The following SRBD1 variants were observed in gnomAD, a reference collection of about 807,000 sequenced individuals.
SRBD1 encodes S1 RNA binding domain 1.
In SRBD1, 88 loss-of-function variants were observed where a neutral mutation model predicts 115.3. The observed-to-expected ratio is 0.76, with a 90% CI of 0.64 to 0.91. The LOEUF is 0.91. Ranked by LOEUF, SRBD1 falls within the 40% of genes least tolerant of loss-of-function variation. The pLI is 0.00. For missense variants in SRBD1, 1,385 were observed against 1,177.4 expected, an observed-to-expected ratio of 1.18 and a Z score of -2.58; for synonymous variants, 509 against 407.7, an observed-to-expected ratio of 1.25 and a Z score of -2.99.
At chr2:45,420,375 C>T (rs1667959231) in intron 16 of SRBD1, among the ~76,000 whole-genome samples, 1 of 152,098 alleles carries the variant, frequency 6.6e-6, no homozygotes, top group African/African-American at 2.4e-5. Flanking sequence ...TAATAGGAAG[C>T]AGTAAAATAA....
chr2:45,389,641 T>G (rs764807416), intron 20 of SRBD1, 42 bp from the exon 21 acceptor site: 79 of 1,569,322 alleles, frequency 5.0e-5, no homozygotes, highest in Non-Finnish European at 6.8e-5. Context: ...GCATTGTACT[T>G]CCTAGATACA....
chr2:45,397,722 G>A (rs1196366016), intron 19 of SRBD1, among the ~76,000 whole-genome samples: 1 of 152,104 alleles, frequency 6.6e-6, no homozygotes, highest in Non-Finnish European at 1.5e-5. Flanking sequence ...TCCTCCCTTG[G>A]CCTCCCAAGT....
intron 7 of SRBD1, among the ~76,000 whole-genome samples, chr2:45,576,274 A>C (rs1673173576): frequency 6.6e-6 from 1 of 152,112 alleles, no homozygotes; most frequent in Non-Finnish European, 1.5e-5. Context: ...AGCTTACCTT[A>C]TTGTAAGAAT....
intron 15 of SRBD1, among the ~76,000 whole-genome samples, chr2:45,487,507 T>G (rs1359591899): frequency 1.3e-5 from 2 of 152,192 alleles, no homozygotes; most frequent in Admixed American, 6.5e-5. Flanking sequence ...TGACAAATAT[T>G]TGGCAATAAA....
intron 16 of SRBD1, among the ~76,000 whole-genome samples, chr2:45,471,506 C>G (rs929436310): frequency 1.3e-4 from 20 of 152,094 alleles, no homozygotes; most frequent in African/African-American, 4.3e-4. Flanking sequence ...ATCTTAACAG[C>G]AGTTCTTATT....
chr2:45,434,970 T>C (rs1368234629), intron 16 of SRBD1, among the ~76,000 whole-genome samples: 3 of 151,924 alleles, frequency 2.0e-5, no homozygotes, highest in African/African-American at 7.3e-5. Flanking sequence ...CCGCCCTGTG[T>C]CCACGTGTTC....
intron 16 of SRBD1, among the ~76,000 whole-genome samples, chr2:45,429,833 A>T (rs969432559): frequency 9.2e-5 from 14 of 152,234 alleles, no homozygotes; most frequent in Non-Finnish European, 1.8e-4. Flanking sequence ...TTCAAATAGG[A>T]AGAGAGGAAA....
intron 16 of SRBD1, among the ~76,000 whole-genome samples, chr2:45,452,574 A>G (rs908143258): frequency 2.0e-5 from 3 of 152,034 alleles, no homozygotes; most frequent in African/African-American, 4.8e-5. Context: ...ATTTGAATAA[A>G]TGAATTTGGT....
chr2:45,430,357 C>T (rs1668294567), intron 16 of SRBD1, among the ~76,000 whole-genome samples: 2 of 152,088 alleles, frequency 1.3e-5, no homozygotes, highest in African/African-American at 4.8e-5. Context: ...GCAAAAAGAA[C>T]AAAGCTGGAG....
intron 5 of SRBD1, 90 bp from the exon 6 acceptor site, chr2:45,581,900 A>T: frequency 1.0e-6 from 1 of 991,708 alleles, no homozygotes; most frequent in African/African-American, 1.6e-5. Flanking sequence ...AGTTGCAGGT[A>T]AAGTAAAAGG....
chr2:45,467,296 C>G (rs542009900), intron 16 of SRBD1, among the ~76,000 whole-genome samples: 7 of 152,298 alleles, frequency 4.6e-5, no homozygotes, highest in African/African-American at 1.7e-4. Flanking sequence ...AAACTACAAA[C>G]TCTGGAGATG....
chr2:45,407,690 G>A (rs796797866), intron 19 of SRBD1, among the ~76,000 whole-genome samples: 1 of 152,216 alleles, frequency 6.6e-6, no homozygotes, highest in African/African-American at 2.4e-5. Context: ...TTAGAGATGA[G>A]GGATCTCAAG....
chr2:45,503,747 T>G (rs1330816412), intron 14 of SRBD1, among the ~76,000 whole-genome samples: 3 of 152,158 alleles, frequency 2.0e-5, no homozygotes, highest in African/African-American at 7.2e-5. Context: ...ATATTAAGGT[T>G]ATTCATTTCC....
At chr2:45,579,854 C>A in intron 7 of SRBD1, 21 bp downstream of exon 7, 1 of 1,488,116 alleles carries the variant, frequency 6.7e-7, no homozygotes, top group South Asian at 1.4e-5. Context: ...CAAAGTTGAT[C>A]TCTGTAAATA....
chr2:45,491,907 C>T (rs974491059), intron 14 of SRBD1, among the ~76,000 whole-genome samples: 4 of 152,094 alleles, frequency 2.6e-5, no homozygotes, highest in Non-Finnish European at 4.4e-5. Flanking sequence ...CTATTACCTC[C>T]GCCTCCCAGG....
intron 14 of SRBD1, among the ~76,000 whole-genome samples, chr2:45,494,942 T>C (rs776010882): frequency 3.3e-5 from 5 of 152,128 alleles, no homozygotes; most frequent in Non-Finnish European, 7.4e-5. Context: ...TTTTTTTAAG[T>C]TTGTTATGTT....
chr2:45,510,800 A>G (rs1241686052), intron 14 of SRBD1, among the ~76,000 whole-genome samples: 34 of 152,192 alleles, frequency 2.2e-4, no homozygotes. Context: ...TTTTTTTTCT[A>G]TTGATATGTA....
At position 45,562,524 on chromosome 2, in the gene SRBD1, GC is replaced by G. The variant is rs376857606; in HGVS notation, c.1409+128del. The G allele has an allele frequency of 1.7e-4, 113 of 648,600 alleles. 1 individual carries two copies. The African/African-American group carries it at 1.8e-3, about 10-fold the overall frequency. The allele number at this position is 648,600 out of a possible 1,614,324, so 40.2% of individuals were successfully genotyped here. The stretch of plus-strand genomic sequence containing the variant: ...TGGGATTACAGGCGTGAGCCACCGC[GC>G]CCGGCCTGTCACTGGCTTTTTAAAA... On this transcript the variant is annotated intron_variant, in intron 10 of 20. Transcript: ENST00000263736.
intron 9 of SRBD1, among the ~76,000 whole-genome samples, chr2:45,570,136 T>C (rs1672962839): frequency 6.6e-6 from 1 of 152,224 alleles, no homozygotes; most frequent in African/African-American, 2.4e-5. Context: ...ACAAAAGCCA[T>C]CTGGCTCACA....
Sources: gnomAD v4.1 joint callset for allele counts (sites outside exome capture counted in the v4.1 genomes callset) on GRCh38, gnomAD v4.1.1 for gene constraint, MANE v1.5 for transcripts, NCBI Gene and HGNC (gene_info 2026-07-23, HGNC 2026-07-21) for gene names.